CORIN: variants seen among roughly 807,000 people sequenced by gnomAD.
CORIN encodes the protein corin, serine peptidase.
A neutral mutation model predicts 125.3 loss-of-function variants in CORIN; 117 were observed. The ratio of observed to expected loss-of-function variants is 0.93; its 90% CI spans 0.80 to 1.09. CORIN has a LOEUF of 1.09. CORIN is among the 50% of genes least tolerant of loss of function. The pLI is 0.00. For missense variants in CORIN, 1,253 were observed against 1,306.7 expected (o/e 0.96, Z 0.63); for synonymous variants, 450 against 466.4 (o/e 0.96, Z 0.45).
intron 12 of CORIN, among the ~76,000 whole-genome samples, chr4:47,655,849 GAA>G (rs34392343): frequency 3.3e-4 from 35 of 106,844 alleles, no homozygotes; most frequent in East Asian, 3.3e-4. Flanking sequence ...TCTTTCAGCA[GAA>G]AAAAAAAAAA....
chr4:47,612,288 G>C (rs957900671), intron 19 of CORIN, among the ~76,000 whole-genome samples: 5 of 152,120 alleles, frequency 3.3e-5, no homozygotes, highest in African/African-American at 1.2e-4. Context: ...CCCATCCTGA[G>C]GGCCATTCGC....
chr4:47,680,913 G>C (rs1249385778), intron 7 of CORIN: 1 of 152,080 alleles, frequency 6.6e-6, no homozygotes, highest in Non-Finnish European at 1.5e-5. Context: ...CAGCATGCCT[G>C]GCCTTATATC....
chr4:47,606,205 G>A (rs1373635100), intron 19 of CORIN, among the ~76,000 whole-genome samples: 1 of 152,080 alleles, frequency 6.6e-6, no homozygotes, highest in Non-Finnish European at 1.5e-5. Flanking sequence ...TTAAAATGCA[G>A]GTAGTACTAT....
chr4:47,683,532 GA>G (rs1725380123), intron 7 of CORIN, 198 bp downstream of exon 7: 1 of 451,754 alleles, frequency 2.2e-6, no homozygotes, highest in Non-Finnish European at 3.9e-6. Context: ...TTCTTAATAT[GA>G]TTTTTTAGGT....
rs559373021 is a variant in CORIN, at chr4:47,790,221, C to T, written c.209-3296G>A. 307 of 985,056 alleles carry T rather than the reference C, an allele frequency of 3.1e-4. 1 individual carries two copies. The South Asian group carries it at 0.013, about 42-fold the overall frequency. The allele number at this position is 985,056 out of a possible 1,614,324, so 61.0% of individuals were successfully genotyped here. On this transcript the variant is annotated intron_variant, in intron 2 of 21. Transcript: ENST00000273857. Reference sequence around the variant, plus strand: ...CATAAAGGAAGGAAAAATAAAATACCTCTTCATGGGGCTGGCTGTGGTGAG... The same window carrying T: ...CATAAAGGAAGGAAAAATAAAATACTTCTTCATGGGGCTGGCTGTGGTGAG...
At chr4:47,805,147 A>AT (rs1553919331) in intron 2 of CORIN, among the ~76,000 whole-genome samples, 136 of 146,410 alleles carry the variant, frequency 9.3e-4, no homozygotes, top group East Asian at 2.0e-3. Flanking sequence ...AAAAAAAAAA[A>AT]AAATAATAAT....
At chr4:47,781,453 G>C (rs968933117) in intron 3 of CORIN, among the ~76,000 whole-genome samples, 1 of 152,074 alleles carries the variant, frequency 6.6e-6, no homozygotes, top group East Asian at 1.9e-4. Context: ...TATAAAATAG[G>C]GTTTGTATTA....
chr4:47,815,812 T>C (rs1314669422), intron 1 of CORIN, among the ~76,000 whole-genome samples: 1 of 152,156 alleles, frequency 6.6e-6, no homozygotes, highest in East Asian at 1.9e-4. Context: ...GATAAAAATG[T>C]TCTAAATTTC....
chr4:47,739,279 G>A (rs1285047871), intron 5 of CORIN, among the ~76,000 whole-genome samples: 1 of 152,044 alleles, frequency 6.6e-6, no homozygotes, highest in Non-Finnish European at 1.5e-5. Flanking sequence ...ATCAGACACA[G>A]AAAATTTTGA....
At position 47,716,897 on chromosome 4, in the gene CORIN, T is replaced by TA. The variant is rs1230004311; in HGVS notation, c.800-23815dup. 4.6e-5 allele frequency among the ~76,000 whole-genome samples: 7 copies of TA among 151,884 alleles called. No individual in the cohort carries two copies. The East Asian group carries it at 7.7e-4, about 17-fold the overall frequency. ...ATACTGTTAAAAATAACATGTTAAC[T>TA]AAAAAAAATACTGTTGGAAGACATG... On this transcript the variant is annotated intron_variant, in intron 5 of 21. Coordinates refer to ENST00000273857, the MANE Select transcript of CORIN (RefSeq NM_006587.4).
At chr4:47,737,434 C>T (rs779058222) in intron 5 of CORIN, among the ~76,000 whole-genome samples, 13 of 152,186 alleles carry the variant, frequency 8.5e-5, no homozygotes, top group Non-Finnish European at 1.6e-4. Context: ...AAGAGATCTG[C>T]CTCACTCAGT....
At chr4:47,733,846 T>C (rs1024897958) in intron 5 of CORIN, among the ~76,000 whole-genome samples, 37 of 152,178 alleles carry the variant, frequency 2.4e-4, no homozygotes, top group African/African-American at 8.7e-4. Context: ...TGTCCTTCTA[T>C]ATGGGAACAA....
intron 19 of CORIN, among the ~76,000 whole-genome samples, chr4:47,621,350 C>T (rs2109548326): frequency 6.6e-6 from 1 of 152,294 alleles, no homozygotes; most frequent in Non-Finnish European, 1.5e-5. Context: ...GAGGCCCCAG[C>T]CAACAGGCAG....
Position 47,806,978 on chromosome 4 carries a change from G to A in CORIN, c.133C>T (p.Arg45Trp), listed in dbSNP as rs144986753. The change falls in exon 2 of 22, where the codon CGG (arginine) becomes TGG (tryptophan). Residue 45 changes from arginine (R) to tryptophan (W), a missense_variant. Transcript: ENST00000273857. ...SQKLATANLL[R>W]FLLLVLIPCI... is the part of the protein sequence containing the mutation. ...GGAATCAGGACCAGCAATAGGAACC[G>A]GAGGAGGTTAGCAGTCGCCAGCTTC... The A allele has an allele frequency of 1.4e-3, 2,231 of 1,613,788 alleles. No individual in the cohort carries two copies. The highest frequency in any genetic ancestry group is 1.7e-3 in the Non-Finnish European group (2,023 of 1,179,830).
rs182216391 is a variant in CORIN at position 47,718,994 on chromosome 4, A to G, written c.799+25408T>C. Among the ~76,000 whole-genome samples, 126 of 152,210 alleles carry G rather than the reference A, an allele frequency of 8.3e-4. 1 individual carries two copies. Among genetic ancestry groups the G allele is most frequent in the African/African-American group, 2.7e-3 (114 of 41,528 alleles). On this transcript the variant is annotated intron_variant, in intron 5 of 21. Coordinates refer to ENST00000273857, the MANE Select transcript of CORIN (RefSeq NM_006587.4). ...GCTTTGCACTTCACATGCCCCCTCC[A>G]TGAGCTCATTCACTCCTTTGATTTT...
At chr4:47,766,059 G>A (rs867471109) in intron 3 of CORIN, among the ~76,000 whole-genome samples, 9 of 152,144 alleles carry the variant, frequency 5.9e-5, no homozygotes, top group South Asian at 2.1e-4. Context: ...AAAAGTAGCC[G>A]GTTCAGAGGC....
intron 4 of CORIN, among the ~76,000 whole-genome samples, chr4:47,762,994 G>T (rs184173653): frequency 6.6e-6 from 1 of 152,078 alleles, no homozygotes; most frequent in Non-Finnish European, 1.5e-5. Context: ...TGGTGGAACT[G>T]TATCCCCGTA....
rs1729521113 is a variant in CORIN at position 47,762,637 on chromosome 4, G to C, written c.617+742C>G. On this transcript the variant is annotated intron_variant, in intron 4 of 21. Transcript: ENST00000273857. ...AAGAACCACCCAACATCTATGTATG[G>C]TTCACACTTGCTTTAAAGTATAAGA... Among the ~76,000 whole-genome samples, 10 of 152,202 alleles carry C rather than the reference G, an allele frequency of 6.6e-5. No individual in the cohort carries two copies. In the Middle Eastern group the frequency reaches 0.014, roughly 207 times the overall value.
At chr4:47,753,352 T>C (rs1365866332) in intron 4 of CORIN, among the ~76,000 whole-genome samples, 2 of 152,312 alleles carry the variant, frequency 1.3e-5, no homozygotes, top group African/African-American at 4.8e-5. Flanking sequence ...GTGCACATAT[T>C]GTCTTGTTAA....
Sources: gnomAD v4.1 joint callset for allele counts (sites outside exome capture counted in the v4.1 genomes callset) on GRCh38, gnomAD v4.1.1 for gene constraint, MANE v1.5 for transcripts, NCBI Gene and HGNC (gene_info 2026-07-23, HGNC 2026-07-21) for gene names.